Variants in SP4 observed in about 807,000 individuals in gnomAD.
SP4 encodes Sp4 transcription factor, also known as transcription factor Sp4.
In SP4, 19 loss-of-function variants were observed where a neutral mutation model predicts 72.8. The ratio of observed to expected loss-of-function variants is 0.26; its 90% CI spans 0.18 to 0.38. The LOEUF (loss-of-function observed/expected upper bound fraction) is 0.38. Ranked by LOEUF, SP4 falls within the 10% of genes least tolerant of loss-of-function variation. The pLI is 1.00. For synonymous variants in SP4, 395 were observed against 333.1 expected, an observed-to-expected ratio of 1.19 and a Z score of -2.02; for missense variants, 1,008 against 926.3, an observed-to-expected ratio of 1.09 and a Z score of -1.14.
intron 3 of SP4, among the ~76,000 whole-genome samples, chr7:21,463,074 T>C (rs1453080985): frequency 1.3e-5 from 2 of 152,112 alleles, no homozygotes; most frequent in Non-Finnish European, 2.9e-5. Flanking sequence ...TAAATAACTT[T>C]TCTTTTTTTT....
intron 4 of SP4, among the ~76,000 whole-genome samples, chr7:21,480,746 C>G (rs1784662058): frequency 1.3e-5 from 2 of 152,172 alleles, no homozygotes; most frequent in Non-Finnish European, 2.9e-5. Context: ...GGCAAACTAG[C>G]CAACCTGTAG....
chr7:21,502,124 G>A (rs530310729), intron 5 of SP4, among the ~76,000 whole-genome samples: 39 of 146,666 alleles, frequency 2.7e-4, no homozygotes, highest in Admixed American at 6.5e-4. Context: ...TTTGGTAGCC[G>A]TGTGTATTTT....
At chr7:21,507,233 A>G (rs1782022335) in intron 5 of SP4, among the ~76,000 whole-genome samples, 2 of 152,184 alleles carry the variant, frequency 1.3e-5, no homozygotes, top group Non-Finnish European at 2.9e-5. Flanking sequence ...AGGAGCATTT[A>G]CAAAGCCAGT....
At chr7:21,476,892 C>A (rs1336579059) in intron 3 of SP4, among the ~76,000 whole-genome samples, 187 bp from the exon 4 acceptor site, 1 of 152,044 alleles carries the variant, frequency 6.6e-6, no homozygotes, top group Non-Finnish European at 1.5e-5. Context: ...ACATAGGCAA[C>A]CTGAGCCACT....
chr7:21,428,188 G>GCCCCCCCCCCCCC lies in SP4; in HGVS notation c.-59_-58insCCCCCCCCCCCCC. On this transcript the variant is annotated 5_prime_UTR_variant, in exon 1 of 6. Coordinates refer to ENST00000222584, the MANE Select transcript of SP4 (RefSeq NM_003112.5). ...CGGGACCGGCCTCTCCTCCCGCCTC[G>GCCCCCCCCCCCCC]CCCCCACCCCCACCCACCTCTATCC... 1.6e-5 allele frequency: 6 copies of GCCCCCCCCCCCCC among 371,870 alleles called. No homozygotes were observed. Among genetic ancestry groups the GCCCCCCCCCCCCC allele is most frequent in the Admixed American group, 4.4e-5 (1 of 22,942 alleles). The allele number at this position is 371,870 out of a possible 1,614,324, so 23.0% of individuals were successfully genotyped here.
Position 21,429,505 on chromosome 7 carries a change from G to C in SP4, c.340G>C (p.Glu114Gln). 2.5e-6 allele frequency: 4 copies of C among 1,614,196 alleles called. No homozygotes were observed. Among genetic ancestry groups the C allele is most frequent in the Non-Finnish European group, 3.4e-6 (4 of 1,180,028 alleles). The change falls in exon 3 of 6, where the codon GAG becomes CAG. Residue 114 changes from glutamate to glutamine, a missense_variant. This residue lies in a region of SP4 where 893 missense variants were observed against 743.3 expected (regional missense o/e 1.20). Coordinates refer to ENST00000222584, the MANE Select transcript of SP4 (RefSeq NM_003112.5). The part of the protein sequence containing the change: ...LVASTPPASK[E>Q]NNVSQPASSS... ...TGCCTCCACTCCTCCTGCTTCAAAA[G>C]AGAATAACGTTTCTCAACCAGCCTC...
intron 5 of SP4, among the ~76,000 whole-genome samples, chr7:21,491,754 C>A (rs890211931): frequency 2.0e-5 from 3 of 152,182 alleles, no homozygotes; most frequent in African/African-American, 7.2e-5. Context: ...ACTATCAACT[C>A]ACCATTTTAT....
intron 3 of SP4, among the ~76,000 whole-genome samples, chr7:21,431,799 G>C (rs769542851): frequency 1.3e-5 from 2 of 152,160 alleles, no homozygotes; most frequent in African/African-American, 4.8e-5. Flanking sequence ...GATACTTCCA[G>C]ACCTTGTTAG....
chr7:21,481,375 A>C (rs993348512), intron 4 of SP4, among the ~76,000 whole-genome samples: 2 of 152,194 alleles, frequency 1.3e-5, no homozygotes, highest in Non-Finnish European at 2.9e-5. Flanking sequence ...TGGTTCAAAT[A>C]CCACAGACTC....
chr7:21,470,958 TAAG>T (rs1398658894), intron 3 of SP4: 1 of 453,428 alleles, frequency 2.2e-6, no homozygotes, highest in African/African-American at 2.0e-5. Flanking sequence ...GTTTCATTGG[TAAG>T]AAGGATTAAA....
chr7:21,461,326 G>A lies in SP4; in HGVS notation c.1679-15753G>A, dbSNP rs141685027. Reference sequence around the variant, plus strand: ...AGACTCAGGCTGTGCAGGAGCCCACGGCTGGGTGGGGGTAGACTCAGGCAT... The same window carrying A: ...AGACTCAGGCTGTGCAGGAGCCCACAGCTGGGTGGGGGTAGACTCAGGCAT... On this transcript the variant is annotated intron_variant, in intron 3 of 5. Coordinates refer to ENST00000222584, the MANE Select transcript of SP4 (RefSeq NM_003112.5). 2.9e-3 allele frequency among the ~76,000 whole-genome samples: 447 copies of A among 152,274 alleles called. 1 individual carries two copies. The highest frequency in any genetic ancestry group is 4.5e-3 in the Non-Finnish European group (308 of 68,002).
rs1782686071 is a variant in SP4 at position 21,428,257 on chromosome 7, C to T, written c.6C>T (p.Ser2=). 7.5e-7 allele frequency: 1 copy of T among 1,339,496 alleles called. No homozygotes were observed. Among genetic ancestry groups the T allele is most frequent in the Non-Finnish European group, 9.9e-7 (1 of 1,010,398 alleles). The allele number at this position is 1,339,496 out of a possible 1,614,324, so 83.0% of individuals were successfully genotyped here. A position where few individuals can be genotyped will look rare whatever the true frequency, so the allele number is the denominator to read the frequency against. ...GTTTGTCCTGTTAATGCGGGATGAG[C>T]GGTACGTATTCTCCACCCCCCTCAG... M[S]DQKKEEEEEA... The change falls in exon 1 of 6, where the codon AGC becomes AGT. Residue 2 remains serine (S), a splice_region_variant and synonymous_variant. Coordinates refer to ENST00000222584, the MANE Select transcript of SP4 (RefSeq NM_003112.5).
intron 3 of SP4, among the ~76,000 whole-genome samples, chr7:21,461,607 G>C (rs983186274): frequency 1.3e-5 from 2 of 152,162 alleles, no homozygotes; most frequent in Non-Finnish European, 1.5e-5. Flanking sequence ...CGCAGCCCCG[G>C]TTGCCACCCG....
At chr7:21,450,757 C>T (rs1308792320) in intron 3 of SP4, among the ~76,000 whole-genome samples, 1 of 152,190 alleles carries the variant, frequency 6.6e-6, no homozygotes, top group Non-Finnish European at 1.5e-5. Context: ...AATTGCATGT[C>T]ATTTTGTTAG....
intron 5 of SP4, among the ~76,000 whole-genome samples, chr7:21,505,592 A>G (rs1781973236): frequency 6.6e-6 from 1 of 152,194 alleles, no homozygotes; most frequent in Admixed American, 6.5e-5. Flanking sequence ...CCCTAATCCT[A>G]AAGTCTAGGG....
At chr7:21,461,447 A>T (rs571859356) in intron 3 of SP4, among the ~76,000 whole-genome samples, 1 of 152,070 alleles carries the variant, frequency 6.6e-6, no homozygotes, top group South Asian at 2.1e-4. Flanking sequence ...CTGCTGGGGG[A>T]CCCGGCGCAT....
intron 5 of SP4, among the ~76,000 whole-genome samples, chr7:21,499,142 C>A (rs1278423725): frequency 4.7e-5 from 7 of 150,348 alleles, no homozygotes; most frequent in Non-Finnish European, 1.0e-4. Flanking sequence ...ATTTACTATT[C>A]ATTATGTGGA....
At chr7:21,475,506 C>T (rs541086327) in intron 3 of SP4, among the ~76,000 whole-genome samples, 6 of 152,090 alleles carry the variant, frequency 3.9e-5, no homozygotes, top group South Asian at 4.2e-4. Context: ...CTCGCTCTGT[C>T]GCCCAGGCTG....
At chr7:21,447,665 AT>A (rs1263238576) in intron 3 of SP4, among the ~76,000 whole-genome samples, 1 of 152,172 alleles carries the variant, frequency 6.6e-6, no homozygotes, top group Non-Finnish European at 1.5e-5. Context: ...TTAATGTTGG[AT>A]TCTAGCTGCT....
Sources: gnomAD v4.1 joint callset for allele counts (sites outside exome capture counted in the v4.1 genomes callset) on GRCh38, gnomAD v4.1.1 for gene constraint, gnomAD v4.1.1 regional missense constraint, MANE v1.5 for transcripts, NCBI Gene and HGNC (gene_info 2026-07-23, HGNC 2026-07-21) for gene names.